Variants in DCUN1D4 observed in about 807,000 individuals in gnomAD.
DCUN1D4 encodes defective in cullin neddylation 1 domain containing 4.
In DCUN1D4, 22 loss-of-function variants were observed where a neutral mutation model predicts 47.9. The ratio of observed to expected loss-of-function variants is 0.46; its 90% CI spans 0.33 to 0.66. The LOEUF is 0.66. Ranked by LOEUF, DCUN1D4 falls within the 30% of genes least tolerant of loss-of-function variation. The pLI, the probability that DCUN1D4 is intolerant of heterozygous loss-of-function variation, is 0.02. For synonymous variants in DCUN1D4, 121 were observed against 112.2 expected (o/e 1.08, Z -0.50); for missense variants, 301 against 340.8 (o/e 0.88, Z 0.92).
upstream of DCUN1D4, among the ~76,000 whole-genome samples, chr4:51,839,790 A>G (rs1169125280): frequency 6.6e-6 from 1 of 152,190 alleles, no homozygotes; most frequent in Non-Finnish European, 1.5e-5. Flanking sequence ...TTCAGTCTCA[A>G]GAACTATGCT....
intron 5 of DCUN1D4, among the ~76,000 whole-genome samples, chr4:51,881,383 A>G (rs972035394): frequency 2.0e-5 from 3 of 152,352 alleles, no homozygotes; most frequent in African/African-American, 7.2e-5. Flanking sequence ...GACAGTTGCA[A>G]CAAATAATAA....
chr4:51,844,269 G>A (rs758332030), intron 1 of DCUN1D4: 1 of 940,392 alleles, frequency 1.1e-6, no homozygotes, highest in South Asian at 4.9e-5. Context: ...GTCGAGGCAG[G>A]GTCCCTTGAA....
chr4:51,843,717 T>G, intron 1 of DCUN1D4: 1 of 1,150,110 alleles, frequency 8.7e-7, no homozygotes, highest in Non-Finnish European at 1.1e-6. Context: ...GGCTGAGTGG[T>G]GCGGGCGGCT....
At chr4:51,851,976 T>G (rs967045749) in intron 1 of DCUN1D4, among the ~76,000 whole-genome samples, 2 of 152,222 alleles carry the variant, frequency 1.3e-5, no homozygotes, top group Non-Finnish European at 2.9e-5. Flanking sequence ...GTTTGTGCTT[T>G]TCATTGAACC....
At chr4:51,873,631 A>G (rs192086472) in intron 3 of DCUN1D4, among the ~76,000 whole-genome samples, 80 of 152,354 alleles carry the variant, frequency 5.3e-4, no homozygotes, top group Non-Finnish European at 6.5e-4. Flanking sequence ...TTCAGTGGCT[A>G]TTATTATCTG....
At chr4:51,868,384 T>A (rs1222660479) in intron 3 of DCUN1D4, among the ~76,000 whole-genome samples, 5 of 152,234 alleles carry the variant, frequency 3.3e-5, no homozygotes, top group Non-Finnish European at 1.5e-5. Flanking sequence ...CCAGACGGGC[T>A]GCTGCTGCCA....
chr4:51,858,729 A>G (rs1724534222), intron 1 of DCUN1D4, among the ~76,000 whole-genome samples: 1 of 152,218 alleles, frequency 6.6e-6, no homozygotes, highest in Non-Finnish European at 1.5e-5. Flanking sequence ...TAATTACTGT[A>G]CCTTTATACC....
chr4:51,885,548 G>GTGTAGTTA (rs1729342776), intron 5 of DCUN1D4, among the ~76,000 whole-genome samples: 1 of 152,158 alleles, frequency 6.6e-6, no homozygotes, highest in Non-Finnish European at 1.5e-5. Flanking sequence ...CAGAAGATGA[G>GTGTAGTTA]TGTAGTTACG....
At chr4:51,845,515 T>C (rs575330999) in intron 1 of DCUN1D4, among the ~76,000 whole-genome samples, 55 of 152,332 alleles carry the variant, frequency 3.6e-4, no homozygotes, top group Non-Finnish European at 6.0e-4. Flanking sequence ...CAATTCCTTC[T>C]CTCCTTAATA....
chr4:51,845,070 C>T (rs1410203488), intron 1 of DCUN1D4: 12 of 985,360 alleles, frequency 1.2e-5, no homozygotes, highest in South Asian at 4.7e-5. Context: ...TGTGGCCTTA[C>T]TTGTGGAATA....
rs140447056 is a variant in DCUN1D4, at chr4:51,911,090, A to G, written c.636A>G (p.Leu212=). 4 of 1,613,614 alleles carry G rather than the reference A, an allele frequency of 2.5e-6. No homozygotes were observed. The highest frequency in any genetic ancestry group is 1.3e-5 in the African/African-American group (1 of 74,878). ...AACAGGAAAAGGACCAGCGCAGCCT[A>G]GACATAAACACTGCCAAGTGCATGT... is the stretch of plus-strand genomic sequence containing the variant. ...DFAREKDQRS[L]DINTAKCMLG... is the part of the protein sequence containing the mutation. Residue 212 remains leucine, a synonymous_variant, in exon 9 of 11, where the codon CTA becomes CTG. Transcript: ENST00000334635.
At chr4:51,912,964 ATCTTT>A (rs1324087730) in intron 9 of DCUN1D4, among the ~76,000 whole-genome samples, 8 of 152,198 alleles carry the variant, frequency 5.3e-5, no homozygotes, top group Non-Finnish European at 7.3e-5. Flanking sequence ...TTCTTATAAT[ATCTTT>A]ATGAAGTAGA....
intron 6 of DCUN1D4, among the ~76,000 whole-genome samples, chr4:51,889,716 G>C (rs1489732015): frequency 6.6e-6 from 1 of 152,072 alleles, no homozygotes; most frequent in Admixed American, 6.5e-5. Flanking sequence ...AGTTGTCCTA[G>C]GTAAATCGAT....
chr4:51,878,473 A>G (rs1728031284), intron 5 of DCUN1D4, among the ~76,000 whole-genome samples: 1 of 152,124 alleles, frequency 6.6e-6, no homozygotes, highest in Non-Finnish European at 1.5e-5. Context: ...AGGCTCTTTT[A>G]TAACTTACCA....
chr4:51,877,150 A>C (rs750061393), intron 4 of DCUN1D4, among the ~76,000 whole-genome samples: 17 of 152,228 alleles, frequency 1.1e-4, no homozygotes, highest in Non-Finnish European at 1.3e-4. Flanking sequence ...AGAAAAAGGC[A>C]GAAGCTAGTT....
the DCUN1D4 span, among the ~76,000 whole-genome samples, chr4:51,837,654 C>CAAAAAAAAAAAAAA: frequency 6.5e-5 from 3 of 46,188 alleles, no homozygotes; most frequent in African/African-American, 1.7e-4. Flanking sequence ...GACTCCGTCT[C>CAAAAAAAAAAAAAA]AAAAAAAAAA....
At chr4:51,864,461 T>C (rs144093899) in intron 3 of DCUN1D4, among the ~76,000 whole-genome samples, 1 of 152,338 alleles carries the variant, frequency 6.6e-6, no homozygotes, top group Non-Finnish European at 1.5e-5. Flanking sequence ...GAATTGAAAT[T>C]TGTCTTAGTC....
intron 5 of DCUN1D4, among the ~76,000 whole-genome samples, chr4:51,879,656 CTGAA>C (rs1264101333): frequency 2.0e-5 from 3 of 152,214 alleles, no homozygotes; most frequent in Non-Finnish European, 4.4e-5. Context: ...TAAATAGGTT[CTGAA>C]TGAATGAAGA....
chr4:51,836,923 G>A, the DCUN1D4 span, among the ~76,000 whole-genome samples: 2 of 152,190 alleles, frequency 1.3e-5, no homozygotes, highest in South Asian at 4.1e-4. Context: ...TGTATTCATG[G>A]TAGCAGGCTA....
Sources: allele counts gnomAD v4.1 joint callset (sites outside exome capture counted in the v4.1 genomes callset), GRCh38; gene constraint gnomAD v4.1.1; transcripts MANE v1.5; gene names NCBI Gene and HGNC (gene_info 2026-07-23, HGNC 2026-07-21).